The following ATRX variants were observed in gnomAD, a reference collection of about 807,000 sequenced individuals.
ATRX encodes the protein chromatin remodeler ATRX.
ATRX carries 12 observed loss-of-function variants against 172.6 expected under a neutral mutation model. The observed-to-expected ratio is 0.07, with a 90% CI of 0.04 to 0.11. The LOEUF (loss-of-function observed/expected upper bound fraction) is 0.11, where lower values mean the gene tolerates loss of function less well. Among genes scored for constraint, ATRX ranks in the 10% least tolerant of loss-of-function variants. The probability of loss-of-function intolerance (pLI) is 1.00; values close to 1 mark genes in which losing one functional copy is unlikely to be tolerated. For synonymous variants in ATRX, 674 were observed against 594.7 expected (o/e 1.13, Z -1.94); for missense variants, 1,368 against 1,767.4 (o/e 0.77, Z 4.05).
chrX:77,757,271 T>C (rs1557190688), intron 1 of ATRX, among the ~76,000 whole-genome samples: 1 of 111,776 alleles, frequency 8.9e-6, no homozygotes, highest in African/African-American at 3.3e-5. Context: ...ACAACTCAGA[T>C]GCTGGGTAAA....
intron 30 of ATRX, among the ~76,000 whole-genome samples, chrX:77,546,031 C>T (rs1442271626): frequency 1.8e-5 from 2 of 111,277 alleles, no homozygotes; most frequent in African/African-American, 6.5e-5. Context: ...CTGTGCCTTT[C>T]CATAAACCCA....
intron 1 of ATRX, among the ~76,000 whole-genome samples, chrX:77,719,509 G>C (rs1006080146): frequency 9.0e-5 from 10 of 110,732 alleles, no homozygotes; most frequent in African/African-American, 2.9e-4. Flanking sequence ...CAAATGGAAA[G>C]CAAAAAAAAC....
chrX:77,752,649 GT>G (rs1199518255), intron 1 of ATRX, among the ~76,000 whole-genome samples: 3 of 111,704 alleles, frequency 2.7e-5, no homozygotes, highest in African/African-American at 9.8e-5. Flanking sequence ...CCATCAATAC[GT>G]AATTTATTGA....
At chrX:77,638,186 G>A (rs782808932) in intron 15 of ATRX, among the ~76,000 whole-genome samples, 3 of 111,211 alleles carry the variant, frequency 2.7e-5, no homozygotes, top group Non-Finnish European at 3.8e-5. Flanking sequence ...ACTTAAGGCC[G>A]GGCACGGTCA....
At chrX:77,757,542 T>C (rs2031743083) in intron 1 of ATRX, among the ~76,000 whole-genome samples, 1 of 111,877 alleles carries the variant, frequency 8.9e-6, no homozygotes, top group African/African-American at 3.2e-5. Context: ...TAAAATAATC[T>C]CTAAATCAAA....
intron 22 of ATRX, among the ~76,000 whole-genome samples, chrX:77,606,451 T>C (rs1317336580): frequency 9.0e-6 from 1 of 111,141 alleles, no homozygotes; most frequent in Non-Finnish European, 1.9e-5. Flanking sequence ...AGTATTACAA[T>C]GATACCAAAA....
Position 77,525,373 on chromosome X carries a change from G to A in ATRX, c.6700-1972C>T, listed in dbSNP as rs141784398. Among the ~76,000 whole-genome samples, 16 of 111,052 alleles carry A rather than the reference G, an allele frequency of 1.4e-4. No individual in the cohort carries two copies. In the East Asian group the frequency reaches 4.0e-3, roughly 28 times the overall value. On this transcript the variant is annotated intron_variant, in intron 30 of 34. Coordinates refer to ENST00000373344, the MANE Select transcript of ATRX (RefSeq NM_000489.6). ...GCTTTCTTAAATGTGTAACTCCTATGCCCACCCCCCCAACACATACATGCC... is the reference window on the plus strand; with the variant it reads ...GCTTTCTTAAATGTGTAACTCCTATACCCACCCCCCCAACACATACATGCC...
chrX:77,736,124 C>T (rs2074551306), intron 1 of ATRX, among the ~76,000 whole-genome samples: 1 of 111,126 alleles, frequency 9.0e-6, no homozygotes, highest in African/African-American at 3.3e-5. Context: ...TACAAGAAAA[C>T]ATTGGGGAAA....
At chrX:77,537,838 C>A (rs1329755351) in intron 30 of ATRX, among the ~76,000 whole-genome samples, 2 of 110,767 alleles carry the variant, frequency 1.8e-5, no homozygotes, top group Non-Finnish European at 3.8e-5. Context: ...TATTACCTGT[C>A]CTGAATATAT....
At chrX:77,743,078 C>T (rs2074941880) in intron 1 of ATRX, among the ~76,000 whole-genome samples, 2 of 110,697 alleles carry the variant, frequency 1.8e-5, no homozygotes, top group South Asian at 7.6e-4. Context: ...GCAGCCACCA[C>T]CAGTGCTAGA....
At chrX:77,646,855 C>A (rs1351561785) in intron 15 of ATRX, among the ~76,000 whole-genome samples, 1 of 107,729 alleles carries the variant, frequency 9.3e-6, no homozygotes, top group East Asian at 2.9e-4. Flanking sequence ...CCCAGGAGTT[C>A]GAGGCTACAG....
chrX:77,574,106 A>C, intron 28 of ATRX, 144 bp downstream of exon 28: 1 of 435,065 alleles, frequency 2.3e-6, no homozygotes, highest in Non-Finnish European at 4.1e-6. Context: ...TTCAGTGGTT[A>C]GGGAGTGATG....
At chrX:77,741,494 C>G (rs782806984) in intron 1 of ATRX, among the ~76,000 whole-genome samples, 1 of 110,031 alleles carries the variant, frequency 9.1e-6, no homozygotes, top group South Asian at 3.9e-4. Context: ...TGGAGTCTTG[C>G]GCTCTCGCCC....
intron 30 of ATRX, among the ~76,000 whole-genome samples, chrX:77,525,761 G>A (rs893373387): frequency 6.3e-5 from 7 of 111,574 alleles, no homozygotes; most frequent in African/African-American, 9.9e-5. Flanking sequence ...CTCTGCTCAC[G>A]TGTGTAACAG....
chrX:77,677,492 G>A (rs1295499893), intron 9 of ATRX, among the ~76,000 whole-genome samples: 2 of 111,379 alleles, frequency 1.8e-5, no homozygotes, highest in Non-Finnish European at 3.8e-5. Context: ...ATTATACAAA[G>A]ATACACACGT....
intron 1 of ATRX, among the ~76,000 whole-genome samples, chrX:77,750,967 G>A (rs2148878414): frequency 8.9e-6 from 1 of 111,888 alleles, no homozygotes; most frequent in South Asian, 3.8e-4. Flanking sequence ...CTTTGCTATT[G>A]TAAATAGTGC....
chrX:77,592,482 C>G (rs782728178), intron 26 of ATRX, among the ~76,000 whole-genome samples: 321 of 107,797 alleles, frequency 3.0e-3, no homozygotes, highest in Non-Finnish European at 5.1e-3. Context: ...TGGGACCTAG[C>G]AGCCTAGACA....
intron 1 of ATRX, among the ~76,000 whole-genome samples, chrX:77,717,855 C>T (rs2073525535): frequency 9.0e-6 from 1 of 110,865 alleles, no homozygotes; most frequent in African/African-American, 3.3e-5. Flanking sequence ...AACAATAAAC[C>T]TACCTACCAC....
At chrX:77,583,029 C>T (rs1446531884) in intron 27 of ATRX, among the ~76,000 whole-genome samples, 1 of 111,738 alleles carries the variant, frequency 8.9e-6, no homozygotes, top group Non-Finnish European at 1.9e-5. Context: ...ACCAGATAAA[C>T]ACACATAAAA....
Sources: allele counts gnomAD v4.1 joint callset (sites outside exome capture counted in the v4.1 genomes callset), GRCh38; gene constraint gnomAD v4.1.1; transcripts MANE v1.5; gene names NCBI Gene and HGNC (gene_info 2026-07-23, HGNC 2026-07-21).